The following GZF1 variants were observed in gnomAD, a reference collection of about 807,000 sequenced individuals.
GZF1 encodes the protein GDNF inducible zinc finger protein 1.
Under a neutral mutation model 49.4 loss-of-function variants are expected in GZF1, and 28 were observed. The ratio of observed to expected loss-of-function variants is 0.57; its 90% CI spans 0.42 to 0.78. The LOEUF is 0.78. Among genes scored for constraint, GZF1 ranks in the 30% least tolerant of loss-of-function variants. The pLI, the probability that GZF1 is intolerant of heterozygous loss-of-function variation, is 0.00. For synonymous variants in GZF1, 364 were observed against 356.0 expected (o/e 1.02, Z -0.25); for missense variants, 798 against 916.2 (o/e 0.87, Z 1.67).
intron 2 of GZF1, among the ~76,000 whole-genome samples, chr20:23,366,555 T>C (rs1375304682): frequency 6.6e-6 from 1 of 152,214 alleles, no homozygotes; most frequent in Non-Finnish European, 1.5e-5. Context: ...CAGTTCTCCT[T>C]TCTCTACTGG....
chr20:23,361,805 G>A (rs116672318), upstream of GZF1, among the ~76,000 whole-genome samples: 3,069 of 152,342 alleles, frequency 0.02, 105 homozygotes, highest in African/African-American at 0.07. Flanking sequence ...CTGGGGCCCG[G>A]AAGCGCTGGC....
At chr20:23,361,413 T>C (rs1980641958), upstream of GZF1, among the ~76,000 whole-genome samples, 1 of 152,238 alleles carries the variant, frequency 6.6e-6, no homozygotes, top group Non-Finnish European at 1.5e-5. Flanking sequence ...CAATTGTGCT[T>C]TCCCCGAAGA....
intron 1 of GZF1, among the ~76,000 whole-genome samples, chr20:23,363,745 T>C (rs1389795729): frequency 6.6e-6 from 1 of 152,206 alleles, no homozygotes; most frequent in East Asian, 1.9e-4. Flanking sequence ...TTGCTCAAAG[T>C]AGCACAGCTT....
rs1253841693 is a variant in GZF1, at chr20:23,371,301, G to T, written c.*860G>T. On this transcript the variant is annotated 3_prime_UTR_variant, in exon 6 of 6. Coordinates refer to ENST00000338121, the MANE Select transcript of GZF1 (RefSeq NM_022482.5). ...GTAGTCATTTTATTTGCAAAATGAGGTGACTGTGGCAAATTATAGAACACA... is the reference window on the plus strand; with the variant it reads ...GTAGTCATTTTATTTGCAAAATGAGTTGACTGTGGCAAATTATAGAACACA... 6.6e-6 allele frequency: 1 copy of T among 152,622 alleles called. No individual in the cohort carries two copies. Among genetic ancestry groups the T allele is most frequent in the Non-Finnish European group, 1.5e-5 (1 of 68,042 alleles). The allele number at this position is 152,622 out of a possible 1,614,324, so 9.5% of individuals were successfully genotyped here. A position where few individuals can be genotyped will look rare whatever the true frequency, so the allele number is the denominator to read the frequency against.
chr20:23,365,314 GA>G lies in GZF1; in HGVS notation c.932del (p.Glu311GlyfsTer23). On this transcript the variant is annotated frameshift_variant, in exon 2 of 6. Coordinates refer to ENST00000338121, the MANE Select transcript of GZF1 (RefSeq NM_022482.5). LOFTEE classifies it high-confidence loss of function. ...EEEEEEDEEGEKKKSNFKCSI... is the reference protein window; with the variant it reads ...EEEEEEDEEGXKKKSNFKCSI... ...GGAGGAGGAGGAGGACGAAGAAGGGGAGAAGAAGAAGAGCAACTTTAAGTGC... is the reference window on the plus strand; with the variant it reads ...GGAGGAGGAGGAGGACGAAGAAGGGGGAAGAAGAAGAGCAACTTTAAGTGC... 6.2e-7 allele frequency: 1 copy of G among 1,608,426 alleles called. No individual in the cohort carries two copies. Among genetic ancestry groups the G allele is most frequent in the Non-Finnish European group, 8.5e-7 (1 of 1,176,452 alleles).
intron 4 of GZF1, among the ~76,000 whole-genome samples, chr20:23,369,255 G>A (rs1011943887): frequency 4.3e-4 from 65 of 152,328 alleles, no homozygotes; most frequent in African/African-American, 1.5e-3. Context: ...GTACATGTTA[G>A]TAAATGCACA....
intron 1 of GZF1, chr20:23,363,156 G>T (rs6083088): frequency 0.28 from 42,060 of 152,156 alleles, 6,025 homozygotes; most frequent in Middle Eastern, 0.36. Flanking sequence ...TCATTGATGA[G>T]ACTGGAGAAG....
At position 23,370,414 on chromosome 20, in the gene GZF1, G is replaced by C. The variant is rs759676533; in HGVS notation, c.2109G>C (p.Gln703His). The change falls in exon 6 of 6, where the codon CAG (glutamine) becomes CAC (histidine). Residue 703 changes from glutamine to histidine, a missense_variant. By Grantham distance (24) the Gln-to-His change is conservative (BLOSUM62 0). Transcript: ENST00000338121. ...CACAGACAGACTCGATGCCCACACA[G>C]CTTCACTCTTTGAGCAACATGGAAT... ...LTPQTDSMPTQLHSLSNME is the reference protein window; with the variant it reads ...LTPQTDSMPTHLHSLSNME The C allele has an allele frequency of 1.2e-6, 2 of 1,612,686 alleles. No homozygotes were observed. The highest frequency in any genetic ancestry group is 3.3e-5 in the Admixed American group (2 of 59,974).
chr20:23,369,552 C>T, intron 4 of GZF1, 32 bp from the exon 5 acceptor site: 1 of 1,574,642 alleles, frequency 6.4e-7, no homozygotes, highest in Non-Finnish European at 8.6e-7. Flanking sequence ...GCCAAAGGGA[C>T]CCACCAGCAG....
At chr20:23,361,562 G>C (rs1980661125), upstream of GZF1, among the ~76,000 whole-genome samples, 1 of 152,202 alleles carries the variant, frequency 6.6e-6, no homozygotes, top group African/African-American at 2.4e-5. Flanking sequence ...CAGGGCGGGG[G>C]CACCGCGGAA....
Position 23,364,699 on chromosome 20 carries a change from G to T in GZF1, c.316G>T (p.Val106Leu). The part of the protein sequence containing the change: ...TAKVQVEEDR[V>L]QRMLEVAEKL... ...AAAGGTACAGGTGGAAGAAGATCGG[G>T]TGCAGCGAATGCTGGAAGTGGCTGA... The change falls in exon 2 of 6, where the codon GTG (valine) becomes TTG (leucine). Residue 106 changes from valine to leucine, a missense_variant. Physicochemically the swap from Val to Leu is conservative, Grantham distance 32. Around this residue, in one of 3 missense-constraint regions of GZF1, gnomAD observed 105 missense variants for 147.5 expected, o/e 0.71. Transcript: ENST00000338121. 4 of 1,614,276 alleles carry T rather than the reference G, an allele frequency of 2.5e-6. No homozygotes were observed. The highest frequency in any genetic ancestry group is 3.4e-6 in the Non-Finnish European group (4 of 1,180,050).
chr20:23,361,663 GT>G (rs1341248419), upstream of GZF1, among the ~76,000 whole-genome samples: 6 of 152,314 alleles, frequency 3.9e-5, no homozygotes, highest in African/African-American at 1.4e-4. Context: ...AGTAGCCAAG[GT>G]GAGTACCAGC....
chr20:23,362,024 A>C (rs1019418773), upstream of GZF1, among the ~76,000 whole-genome samples: 1 of 152,140 alleles, frequency 6.6e-6, no homozygotes, highest in Non-Finnish European at 1.5e-5. Context: ...GCGCGGCCAG[A>C]TCAGGTAACT....
chr20:23,362,878 G>A (rs1482269457), intron 1 of GZF1: 1 of 152,322 alleles, frequency 6.6e-6, no homozygotes, highest in Admixed American at 6.5e-5. Context: ...GTTGGCAGAG[G>A]TCTGGGGAAG....
At chr20:23,366,531 C>T (rs963588106) in intron 2 of GZF1, among the ~76,000 whole-genome samples, 4 of 152,178 alleles carry the variant, frequency 2.6e-5, no homozygotes, top group Non-Finnish European at 4.4e-5. Context: ...ATGCCACCTT[C>T]GGCAATTTGA....
chr20:23,368,922 C>G lies in GZF1; in HGVS notation c.1620C>G (p.Val540=). The change falls in exon 4 of 6, where the codon GTC becomes GTG. Residue 540 remains valine, a synonymous_variant. Transcript: ENST00000338121. Reference sequence around the variant, plus strand: ...ATTCACTGTACCAGCATATTAAAGTCCACACAGGTATGGTTGGAATGTCCC... The same window carrying G: ...ATTCACTGTACCAGCATATTAAAGTGCACACAGGTATGGTTGGAATGTCCC... The part of the protein sequence containing the change: ...QRNSLYQHIK[V]HTGERPYCCD... 1 of 1,611,574 alleles carries G rather than the reference C, an allele frequency of 6.2e-7. No homozygotes were observed. The highest frequency in any genetic ancestry group is 8.5e-7 in the Non-Finnish European group (1 of 1,178,830).
chr20:23,367,253 C>T (rs1180850161), intron 3 of GZF1, among the ~76,000 whole-genome samples, 156 bp downstream of exon 3: 1 of 152,198 alleles, frequency 6.6e-6, no homozygotes, highest in African/African-American at 2.4e-5. Flanking sequence ...TAAACATACA[C>T]CCATTGCCTT....
Position 23,370,510 on chromosome 20 carries a change from A to C in GZF1, c.*69A>C. The C allele has an allele frequency of 9.7e-7, 1 of 1,029,972 alleles. No homozygotes were observed. Among genetic ancestry groups the C allele is most frequent in the Non-Finnish European group, 1.5e-6 (1 of 676,526 alleles). The allele number at this position is 1,029,972 out of a possible 1,614,324, so 63.8% of individuals were successfully genotyped here. A position where few individuals can be genotyped will look rare whatever the true frequency, so the allele number is the denominator to read the frequency against. On this transcript the variant is annotated 3_prime_UTR_variant, in exon 6 of 6. Transcript: ENST00000338121. ...GCTGAACTCAAGATGATGTGGGGCT[A>C]AGAAAAATAATTGTCCATGTGCAAA...
At position 23,370,400 on chromosome 20, in the gene GZF1, T is replaced by C; in HGVS notation, c.2095T>C (p.Ser699Pro). The change falls in exon 6 of 6, where the codon TCG (serine) becomes CCG (proline). Residue 699 changes from serine (S) to proline (P), a missense_variant. Ser to Pro is a moderately conservative substitution (Grantham distance 74, BLOSUM62 -1). Coordinates refer to ENST00000338121, the MANE Select transcript of GZF1 (RefSeq NM_022482.5). ...ELSELTPQTDSMPTQLHSLSN... is the reference protein window; with the variant it reads ...ELSELTPQTDPMPTQLHSLSN... Reference sequence around the variant, plus strand: ...TAGCGAGCTGACCCCACAGACAGACTCGATGCCCACACAGCTTCACTCTTT... The same window carrying C: ...TAGCGAGCTGACCCCACAGACAGACCCGATGCCCACACAGCTTCACTCTTT... The C allele has an allele frequency of 6.2e-7, 1 of 1,613,830 alleles. No homozygotes were observed. The highest frequency in any genetic ancestry group is 8.5e-7 in the Non-Finnish European group (1 of 1,179,808).
Sources: gnomAD v4.1 joint callset for allele counts (sites outside exome capture counted in the v4.1 genomes callset) on GRCh38, gnomAD v4.1.1 for gene constraint, gnomAD v4.1.1 regional missense constraint, MANE v1.5 for transcripts, NCBI Gene and HGNC (gene_info 2026-07-23, HGNC 2026-07-21) for gene names.